Variants in LOXL1 observed in about 807,000 individuals in gnomAD.
LOXL1 encodes lysyl oxidase like 1.
LOXL1 carries 31 observed loss-of-function variants against 62.2 expected under a neutral mutation model. That is an observed-to-expected ratio of 0.50 (90% CI 0.37 to 0.67). LOXL1 has a LOEUF of 0.67. Among genes scored for constraint, LOXL1 ranks in the 30% least tolerant of loss-of-function variants. The probability of loss-of-function intolerance (pLI) is 0.00; values close to 1 mark genes in which losing one functional copy is unlikely to be tolerated. For missense variants in LOXL1, 775 were observed against 843.4 expected (o/e 0.92, Z 1.00); for synonymous variants, 403 against 384.4 (o/e 1.05, Z -0.56).
rs980825816 is a variant in LOXL1, at chr15:73,945,019, G to A, written c.1212-1398G>A. On this transcript the variant is annotated intron_variant, in intron 2 of 6. Coordinates refer to ENST00000261921, the MANE Select transcript of LOXL1 (RefSeq NM_005576.4). The surrounding 1 kb of genome is among the most constrained non-coding windows in gnomAD (Gnocchi z 4.3). The stretch of plus-strand genomic sequence containing the variant: ...AGGCCAACAGAGTTAGCTGTCAGCC[G>A]TCAGCTAAAGAGGGGAGGGGCCTTC... Among the ~76,000 whole-genome samples, 2 of 152,182 alleles carry A rather than the reference G, an allele frequency of 1.3e-5. No individual in the cohort carries two copies. The highest frequency in any genetic ancestry group is 4.8e-5 in the African/African-American group (2 of 41,438).
chr15:73,951,120 A>G (rs1390308066), intron 6 of LOXL1, among the ~76,000 whole-genome samples: 1 of 152,148 alleles, frequency 6.6e-6, no homozygotes, highest in Non-Finnish European at 1.5e-5. Flanking sequence ...CCAGGAAACA[A>G]AGGAGGCTGC....
chr15:73,947,748 C>A, intron 4 of LOXL1, 59 bp from the exon 5 acceptor site: 1 of 1,197,850 alleles, frequency 8.3e-7, no homozygotes, highest in Non-Finnish European at 1.2e-6. Flanking sequence ...TGAAGGTGGG[C>A]GTGGGGTGGC....
chr15:73,935,319 G>A (rs1329948733), intron 1 of LOXL1, among the ~76,000 whole-genome samples: 4 of 152,138 alleles, frequency 2.6e-5, no homozygotes, highest in Admixed American at 2.0e-4. Flanking sequence ...GAGCTGAGGG[G>A]ATTTCCTGCT....
intron 2 of LOXL1, among the ~76,000 whole-genome samples, chr15:73,943,286 AGGAACTCAAACCTTTT>A (rs2068727487): frequency 6.6e-6 from 1 of 152,240 alleles, no homozygotes; most frequent in South Asian, 2.1e-4. Flanking sequence ...GAGCAATGAA[AGGAACTCAAACCTTTT>A]GGATCTGAGC....
chr15:73,938,053 A>C (rs2068686695), intron 1 of LOXL1, among the ~76,000 whole-genome samples: 1 of 152,202 alleles, frequency 6.6e-6, no homozygotes, highest in Non-Finnish European at 1.5e-5. Flanking sequence ...TTGAGAGGCC[A>C]AGGCGGGTGG....
rs937177089 is a variant in LOXL1, at chr15:73,951,700, C to T, written c.1719-131C>T. ...TGGGCTGAGGGGGTCGGAACTTTCT[C>T]TTGAGGGAAATGTAGGCCCATGCCT... On this transcript the variant is annotated intron_variant, in intron 6 of 6. Coordinates refer to ENST00000261921, the MANE Select transcript of LOXL1 (RefSeq NM_005576.4). 1.3e-5 allele frequency: 10 copies of T among 765,172 alleles called. No homozygotes were observed. In the African/African-American group the frequency reaches 1.8e-4, roughly 14 times the overall value. The allele number at this position is 765,172 out of a possible 1,614,324, so 47.4% of individuals were successfully genotyped here.
chr15:73,946,394 C>CAAAA, intron 2 of LOXL1, 23 bp from the exon 3 acceptor site: 8 of 1,558,098 alleles, frequency 5.1e-6, no homozygotes, highest in Non-Finnish European at 6.2e-6. Context: ...AACCCCCCCT[C>CAAAA]ATCTCCCCCG....
intron 4 of LOXL1, chr15:73,947,602 C>T (rs2068757158): frequency 1.9e-6 from 1 of 520,994 alleles, no homozygotes; most frequent in African/African-American, 1.9e-5. Context: ...CTCGTCCCTC[C>T]CACCTGGCTA....
chr15:73,927,501 G>C lies in LOXL1; in HGVS notation c.718G>C (p.Gly240Arg). The change falls in exon 1 of 7, where the codon GGC becomes CGC. Residue 240 changes from glycine to arginine, a missense_variant. Physicochemically the swap from Gly to Arg is moderately radical, Grantham distance 125. Transcript: ENST00000261921. ...GGCGCGCTACGAGGAGTACGGCGGC[G>C]GCGAAGAGCTGCCCGAGTACCCGCC... ...PRARYEEYGGGEELPEYPPQG... is the reference protein window; with the variant it reads ...PRARYEEYGGREELPEYPPQG... The C allele has an allele frequency of 6.8e-6, 10 of 1,471,118 alleles. No homozygotes were observed. The highest frequency in any genetic ancestry group is 9.0e-6 in the Non-Finnish European group (10 of 1,116,604). 91.1% of individuals were successfully genotyped at this position (1,471,118 alleles called of 1,614,324 possible). A position where few individuals can be genotyped will look rare whatever the true frequency, so the allele number is the denominator to read the frequency against.
In LOXL1 at chr15:73,951,833, C is replaced by T. The variant is rs751836475; in HGVS notation, c.1721C>T (p.Ser574Phe). The T allele has an allele frequency of 3.2e-6, 5 of 1,548,978 alleles. 1 individual carries two copies. The highest frequency in any genetic ancestry group is 2.4e-5 in the South Asian group (2 of 83,870). ...ACCCACTGTCTTTCCTTCCTCAGATCCTGATCTCCGGGAGGGACAGATGGC... is the reference window on the plus strand; with the variant it reads ...ACCCACTGTCTTTCCTTCCTCAGATTCTGATCTCCGGGAGGGACAGATGGC... Reference protein sequence around the residue: ...VSATNCKIVQS With the variant: ...VSATNCKIVQF The change falls in exon 7 of 7, where the codon TCC (serine) becomes TTC (phenylalanine). Residue 574 changes from serine (S) to phenylalanine (F), a missense_variant and splice_region_variant. Transcript: ENST00000261921.
intron 1 of LOXL1, among the ~76,000 whole-genome samples, chr15:73,940,890 C>T (rs891329680): frequency 1.9e-4 from 29 of 152,220 alleles, no homozygotes; most frequent in African/African-American, 5.5e-4. Context: ...CATGAAATAG[C>T]CTAGATAGGA....
chr15:73,926,844 G>A lies in LOXL1; in HGVS notation c.61G>A (p.Val21Met). The change falls in exon 1 of 7, where the codon GTG becomes ATG. Residue 21 changes from valine to methionine, a missense_variant. Transcript: ENST00000261921. ...CCTGGTGTGGGGCGCCTGCCTGTGCGTGCTGGTGCACGGGCAGCAGGCGCA... is the reference window on the plus strand; with the variant it reads ...CCTGGTGTGGGGCGCCTGCCTGTGCATGCTGGTGCACGGGCAGCAGGCGCA... The part of the protein sequence containing the change: ...GALVWGACLC[V>M]LVHGQQAQPG... The A allele has an allele frequency of 1.9e-6, 3 of 1,541,246 alleles. No homozygotes were observed. The highest frequency in any genetic ancestry group is 1.2e-5 in the South Asian group (1 of 83,134).
chr15:73,939,430 G>A lies in LOXL1; in HGVS notation c.1103-3424G>A, dbSNP rs1445186373. ...TTGTGTCACCCCCATGGCCATGAGG[G>A]TGTGACAGAGGTGGAGCTCAGAGAG... On this transcript the variant is annotated intron_variant, in intron 1 of 6. Coordinates refer to ENST00000261921, the MANE Select transcript of LOXL1 (RefSeq NM_005576.4). Among the ~76,000 whole-genome samples the A allele has an allele frequency of 4.6e-5, 7 of 152,342 alleles. No individual in the cohort carries two copies. In the South Asian group the frequency reaches 1.0e-3, roughly 23 times the overall value.
Position 73,943,053 on chromosome 15 carries a change from C to T in LOXL1, c.1211+91C>T. 5 of 1,009,816 alleles carry T rather than the reference C, an allele frequency of 5.0e-6. No homozygotes were observed. The South Asian group carries it at 6.5e-5, about 13-fold the overall frequency. 62.6% of individuals were successfully genotyped at this position (1,009,816 alleles called of 1,614,324 possible). ...TAGCTGTGGCTGCCAGCTAGGCTGT[C>T]TGCAAGCTGATGACCCTGGCCAAGT... On this transcript the variant is annotated intron_variant, in intron 2 of 6. Coordinates refer to ENST00000261921, the MANE Select transcript of LOXL1 (RefSeq NM_005576.4).
At chr15:73,935,041 G>T (rs1471635264) in intron 1 of LOXL1, among the ~76,000 whole-genome samples, 1 of 152,230 alleles carries the variant, frequency 6.6e-6, no homozygotes, top group Non-Finnish European at 1.5e-5. Context: ...TATAACAGGG[G>T]ACAGGTCAGA....
chr15:73,935,819 G>A (rs1277891041), intron 1 of LOXL1, among the ~76,000 whole-genome samples: 5 of 152,134 alleles, frequency 3.3e-5, no homozygotes, highest in Non-Finnish European at 7.4e-5. Flanking sequence ...CTCCCCATTG[G>A]TGGGGTGGAC....
At chr15:73,937,961 G>C (rs909072628) in intron 1 of LOXL1, among the ~76,000 whole-genome samples, 8 of 152,314 alleles carry the variant, frequency 5.3e-5, no homozygotes, top group African/African-American at 1.4e-4. Flanking sequence ...CGTGTTTGTG[G>C]AGCGGGGAGT....
Position 73,926,698 on chromosome 15 carries a change from T to C in LOXL1, c.-86T>C. The C allele has an allele frequency of 7.5e-7, 1 of 1,338,570 alleles. No homozygotes were observed. The highest frequency in any genetic ancestry group is 1.5e-5 in the African/African-American group (1 of 65,008). The allele number at this position is 1,338,570 out of a possible 1,614,324, so 82.9% of individuals were successfully genotyped here. Reference sequence around the variant, plus strand: ...CTGGGGCAAGCAAGGAGCCTTCCTGTCCTCGAGGCCGTGGGAAGAGAAGCA... The same window carrying C: ...CTGGGGCAAGCAAGGAGCCTTCCTGCCCTCGAGGCCGTGGGAAGAGAAGCA... On this transcript the variant is annotated 5_prime_UTR_variant, in exon 1 of 7. Transcript: ENST00000261921.
chr15:73,946,623 C>T, intron 3 of LOXL1, 69 bp downstream of exon 3: 1 of 1,521,496 alleles, frequency 6.6e-7, no homozygotes, highest in Non-Finnish European at 8.9e-7. Context: ...GGTGCCTGAG[C>T]TCCCCTCCCA....
Sources: allele counts gnomAD v4.1 joint callset (sites outside exome capture counted in the v4.1 genomes callset), GRCh38; gene constraint gnomAD v4.1.1; non-coding constraint Gnocchi (gnomAD v3.1); transcripts MANE v1.5; gene names NCBI Gene and HGNC (gene_info 2026-07-23, HGNC 2026-07-21).